STK32C: variants seen among roughly 807,000 people sequenced by gnomAD.
STK32C encodes the protein serine/threonine-protein kinase 32C.
In STK32C, 31 loss-of-function variants were observed where a neutral mutation model predicts 56.5. The observed-to-expected ratio is 0.55, with a 90% confidence interval of 0.41 to 0.74. The LOEUF (loss-of-function observed/expected upper bound fraction) is 0.74. Among genes scored for constraint, STK32C ranks in the 30% least tolerant of loss-of-function variants. The pLI, the probability that STK32C is intolerant of heterozygous loss-of-function variation, is 0.00. For missense variants in STK32C, 544 were observed against 676.9 expected, an observed-to-expected ratio of 0.80 and a Z score of 2.18; for synonymous variants, 309 against 289.4, an observed-to-expected ratio of 1.07 and a Z score of -0.69.
intron 2 of STK32C, among the ~76,000 whole-genome samples, chr10:132,243,870 C>G (rs2137908961): frequency 6.6e-6 from 1 of 152,270 alleles, no homozygotes; most frequent in Non-Finnish European, 1.5e-5. Context: ...ACCCCTCAAC[C>G]CGGAGCCATT....
chr10:132,226,373 A>G (rs1247743034), intron 4 of STK32C, among the ~76,000 whole-genome samples: 1 of 152,202 alleles, frequency 6.6e-6, no homozygotes, highest in South Asian at 2.1e-4. Context: ...TTTTATTTTC[A>G]GAGCCATCAC....
chr10:132,249,884 C>A (rs1444938097), intron 1 of STK32C, among the ~76,000 whole-genome samples: 3 of 152,242 alleles, frequency 2.0e-5, no homozygotes, highest in Non-Finnish European at 2.9e-5. Flanking sequence ...CCCACGCAAG[C>A]CCAGGCTCAG....
intron 8 of STK32C, among the ~76,000 whole-genome samples, chr10:132,223,251 C>G (rs535794213): frequency 1.3e-5 from 2 of 152,358 alleles, no homozygotes; most frequent in African/African-American, 4.8e-5. Context: ...GCAGAGGGAT[C>G]TGCAGGGAAG....
chr10:132,276,837 A>G (rs2065011062), intron 1 of STK32C, among the ~76,000 whole-genome samples: 1 of 150,586 alleles, frequency 6.6e-6, no homozygotes. Context: ...CCGTTACCCC[A>G]GCGTGGCCCA....
At chr10:132,293,472 G>A (rs570750683) in intron 1 of STK32C, among the ~76,000 whole-genome samples, 4 of 152,376 alleles carry the variant, frequency 2.6e-5, no homozygotes, top group Non-Finnish European at 4.4e-5. Flanking sequence ...TGGACTCATG[G>A]GGACACAGGG....
intron 1 of STK32C, among the ~76,000 whole-genome samples, chr10:132,290,339 A>C (rs978589807): frequency 1.3e-5 from 2 of 152,208 alleles, no homozygotes; most frequent in African/African-American, 4.8e-5. Context: ...AGTTAAATCT[A>C]AGCATTTATT....
chr10:132,209,289 A>G, intron 10 of STK32C, 188 bp from the exon 11 acceptor site: 1 of 709,116 alleles, frequency 1.4e-6, no homozygotes, highest in Non-Finnish European at 2.6e-6. Flanking sequence ...TCTGCGGGTG[A>G]CTCACCCAAG....
chr10:132,319,533 A>G (rs2066365681), downstream of STK32C, among the ~76,000 whole-genome samples: 1 of 152,220 alleles, frequency 6.6e-6, no homozygotes, highest in Non-Finnish European at 1.5e-5. Context: ...TACTACACGG[A>G]TGGACCTCAA....
intron 1 of STK32C, among the ~76,000 whole-genome samples, chr10:132,246,367 C>T (rs927248223): frequency 6.6e-6 from 1 of 152,234 alleles, no homozygotes; most frequent in African/African-American, 2.4e-5. Flanking sequence ...GCCATGCACA[C>T]ATGAGCAGCT....
intron 2 of STK32C, among the ~76,000 whole-genome samples, chr10:132,235,702 A>G (rs2063263424): frequency 6.6e-6 from 1 of 152,080 alleles, no homozygotes; most frequent in African/African-American, 2.4e-5. Flanking sequence ...CAGCAAGGAC[A>G]GGGCCCACAG....
intron 2 of STK32C, among the ~76,000 whole-genome samples, chr10:132,235,137 G>A (rs1384485779): frequency 6.6e-6 from 1 of 152,312 alleles, no homozygotes; most frequent in South Asian, 2.1e-4. Flanking sequence ...TGTGAGTGGT[G>A]TGAGTGGTGT....
At chr10:132,275,024 G>A (rs920126100) in intron 1 of STK32C, among the ~76,000 whole-genome samples, 5 of 152,188 alleles carry the variant, frequency 3.3e-5, no homozygotes, top group African/African-American at 1.2e-4. Flanking sequence ...CCAGCACCAT[G>A]GCACAGCAGG....
At chr10:132,227,829 G>C in intron 3 of STK32C, 148 bp downstream of exon 3, 3 of 1,038,488 alleles carry the variant, frequency 2.9e-6, no homozygotes, top group Non-Finnish European at 4.2e-6. Context: ...AAGGGGGATA[G>C]ATGAGGAGGG....
intron 1 of STK32C, among the ~76,000 whole-genome samples, chr10:132,280,146 TGC>T (rs2065123738): frequency 1.4e-5 from 2 of 141,916 alleles, no homozygotes; most frequent in South Asian, 4.4e-4. Flanking sequence ...ATCACGCCCC[TGC>T]ACTCTGTGAT....
intron 1 of STK32C, among the ~76,000 whole-genome samples, chr10:132,325,846 A>C (rs902720748): frequency 6.6e-6 from 1 of 150,912 alleles, no homozygotes; most frequent in Non-Finnish European, 1.5e-5. Context: ...CTCAGCCTCC[A>C]GAGTAGCTGG....
intron 1 of STK32C, among the ~76,000 whole-genome samples, chr10:132,277,882 C>G (rs780339526): frequency 3.9e-5 from 6 of 152,188 alleles, no homozygotes; most frequent in Non-Finnish European, 8.8e-5. Flanking sequence ...TGTCTCGGTG[C>G]AGGGCCAGCC....
At chr10:132,315,144 AG>A (rs2138439628) in intron 1 of STK32C, among the ~76,000 whole-genome samples, 1 of 152,308 alleles carries the variant, frequency 6.6e-6, no homozygotes, top group East Asian at 1.9e-4. Flanking sequence ...CAAAAAAAAA[AG>A]AATAAGTTCA....
intron 1 of STK32C, among the ~76,000 whole-genome samples, chr10:132,266,523 C>T (rs1322744477): frequency 2.0e-5 from 3 of 152,232 alleles, no homozygotes; most frequent in East Asian, 3.9e-4. Context: ...GTAGTGGAAG[C>T]GTTTTAGGCA....
At chr10:132,234,761 G>A (rs1386891610) in intron 2 of STK32C, among the ~76,000 whole-genome samples, 1 of 152,220 alleles carries the variant, frequency 6.6e-6, no homozygotes, top group African/African-American at 2.4e-5. Context: ...GCTGCTGGGG[G>A]GGCCTTGGGG....
Sources: allele counts gnomAD v4.1 joint callset (sites outside exome capture counted in the v4.1 genomes callset), GRCh38; gene constraint gnomAD v4.1.1; transcripts MANE v1.5; gene names NCBI Gene and HGNC (gene_info 2026-07-23, HGNC 2026-07-21).